The following ST8SIA1 variants were observed in gnomAD, a reference collection of about 807,000 sequenced individuals.
ST8SIA1 encodes alpha-N-acetylneuraminide alpha-2,8-sialyltransferase.
Under a neutral mutation model 35.9 loss-of-function variants are expected in ST8SIA1, and 16 were observed. That is an observed-to-expected ratio of 0.45 (90% CI 0.30 to 0.68). The LOEUF (loss-of-function observed/expected upper bound fraction) is 0.68. Ranked by LOEUF, ST8SIA1 falls within the 30% of genes least tolerant of loss-of-function variation. The pLI is 0.09. For synonymous variants in ST8SIA1, 170 were observed against 169.6 expected, an observed-to-expected ratio of 1.00 and a Z score of -0.02; for missense variants, 383 against 453.6, an observed-to-expected ratio of 0.84 and a Z score of 1.41.
At chr12:22,278,570 T>C (rs776317499) in intron 2 of ST8SIA1, among the ~76,000 whole-genome samples, 1 of 152,228 alleles carries the variant, frequency 6.6e-6, no homozygotes, top group Non-Finnish European at 1.5e-5. Flanking sequence ...GATTGAACTC[T>C]AGAAACAGAA....
intron 4 of ST8SIA1, among the ~76,000 whole-genome samples, chr12:22,212,729 T>C (rs933184986): frequency 3.9e-5 from 6 of 152,172 alleles, no homozygotes; most frequent in African/African-American, 1.2e-4. Context: ...CAGTTTAACT[T>C]TGAAGCAAGG....
chr12:22,328,988 G>A (rs1269914348), intron 1 of ST8SIA1, among the ~76,000 whole-genome samples: 1 of 152,122 alleles, frequency 6.6e-6, no homozygotes, highest in African/African-American at 2.4e-5. Flanking sequence ...GAAGGAACTG[G>A]CCAGGTAAAA....
At chr12:22,284,621 T>C (rs1201143885) in intron 2 of ST8SIA1, among the ~76,000 whole-genome samples, 1 of 152,168 alleles carries the variant, frequency 6.6e-6, no homozygotes, top group Non-Finnish European at 1.5e-5. Context: ...TTAAAAAAAA[T>C]CTACTCATTG....
In ST8SIA1 at chr12:22,197,908, GAA is replaced by G. The variant is rs1297853991; in HGVS notation, c.*3642_*3643del. 6.6e-6 allele frequency: 1 copy of G among 152,122 alleles called. No homozygotes were observed. The highest frequency in any genetic ancestry group is 2.4e-5 in the African/African-American group (1 of 41,430). The allele number at this position is 152,122 out of a possible 1,614,324, so 9.4% of individuals were successfully genotyped here. ...AGCACTTCCTTAACTTCTTGTATGA[GAA>G]TTATGCAGTTTAGATGTGCAATTTT... On this transcript the variant is annotated 3_prime_UTR_variant, in exon 5 of 5. Coordinates refer to ENST00000396037, the MANE Select transcript of ST8SIA1 (RefSeq NM_003034.4).
intron 2 of ST8SIA1, among the ~76,000 whole-genome samples, chr12:22,275,543 G>A (rs1865959052): frequency 6.6e-6 from 1 of 152,064 alleles, no homozygotes; most frequent in Admixed American, 6.5e-5. Flanking sequence ...GACAGAGTGA[G>A]ACTCCGTGTC....
At chr12:22,263,563 G>C (rs1021227907) in intron 2 of ST8SIA1, among the ~76,000 whole-genome samples, 1 of 152,118 alleles carries the variant, frequency 6.6e-6, no homozygotes, top group Non-Finnish European at 1.5e-5. Context: ...TACTCTTTTA[G>C]CTAAAAGAGT....
At chr12:22,316,283 A>G (rs978521409) in intron 1 of ST8SIA1, among the ~76,000 whole-genome samples, 5 of 152,220 alleles carry the variant, frequency 3.3e-5, no homozygotes, top group African/African-American at 1.2e-4. Context: ...AAGCTATGGT[A>G]TGGCTTTAGA....
intron 4 of ST8SIA1, among the ~76,000 whole-genome samples, chr12:22,226,863 A>C (rs1865364851): frequency 6.6e-6 from 1 of 152,146 alleles, no homozygotes; most frequent in Non-Finnish European, 1.5e-5. Flanking sequence ...TCACCAAGCT[A>C]AGGCTTTGAA....
At chr12:22,267,429 G>A (rs1452812770) in intron 2 of ST8SIA1, among the ~76,000 whole-genome samples, 2 of 152,132 alleles carry the variant, frequency 1.3e-5, no homozygotes, top group Non-Finnish European at 2.9e-5. Flanking sequence ...TTCCTTTTGG[G>A]AATAACTGGC....
chr12:22,204,588 A>G (rs1865086070), intron 4 of ST8SIA1, among the ~76,000 whole-genome samples: 1 of 152,172 alleles, frequency 6.6e-6, no homozygotes, highest in Non-Finnish European at 1.5e-5. Flanking sequence ...GCAGAGAATT[A>G]CACACTGCTT....
At chr12:22,234,563 C>G (rs1321469413) in intron 4 of ST8SIA1, among the ~76,000 whole-genome samples, 1 of 152,192 alleles carries the variant, frequency 6.6e-6, no homozygotes, top group African/African-American at 2.4e-5. Flanking sequence ...CATTATTTCT[C>G]TGAAGTAATC....
At chr12:22,253,721 T>A (rs1865698281) in intron 3 of ST8SIA1, among the ~76,000 whole-genome samples, 1 of 152,208 alleles carries the variant, frequency 6.6e-6, no homozygotes, top group East Asian at 1.9e-4. Context: ...CACTTTTCTG[T>A]TGTTTGTTCA....
intron 4 of ST8SIA1, among the ~76,000 whole-genome samples, chr12:22,232,550 T>C (rs1179313884): frequency 6.6e-6 from 1 of 152,158 alleles, no homozygotes; most frequent in South Asian, 2.1e-4. Context: ...TCCAAATAGA[T>C]TAGCCAAGCT....
intron 4 of ST8SIA1, among the ~76,000 whole-genome samples, chr12:22,204,893 T>C (rs1865089491): frequency 6.6e-6 from 1 of 152,190 alleles, no homozygotes; most frequent in Non-Finnish European, 1.5e-5. Flanking sequence ...TATTACATTA[T>C]TACAAAATTA....
chr12:22,322,259 T>C (rs375311930), intron 1 of ST8SIA1, among the ~76,000 whole-genome samples: 1 of 152,198 alleles, frequency 6.6e-6, no homozygotes, highest in East Asian at 1.9e-4. Context: ...CTGGAGAATG[T>C]TGCTGCTCCT....
intron 4 of ST8SIA1, among the ~76,000 whole-genome samples, chr12:22,231,798 C>T (rs1865425085): frequency 6.6e-6 from 1 of 152,116 alleles, no homozygotes; most frequent in Non-Finnish European, 1.5e-5. Flanking sequence ...TGGTCTCGAT[C>T]TCCTGACCTC....
chr12:22,294,393 T>C (rs1481823215), intron 1 of ST8SIA1, among the ~76,000 whole-genome samples: 2 of 152,328 alleles, frequency 1.3e-5, no homozygotes, highest in Non-Finnish European at 2.9e-5. Flanking sequence ...CAGAGATTTG[T>C]ATTCATCTTA....
intron 4 of ST8SIA1, among the ~76,000 whole-genome samples, chr12:22,238,545 T>C (rs1865502044): frequency 6.6e-6 from 1 of 152,222 alleles, no homozygotes; most frequent in Admixed American, 6.5e-5. Flanking sequence ...CTGTTCAGCC[T>C]AGTTCTTCCT....
intron 4 of ST8SIA1, among the ~76,000 whole-genome samples, chr12:22,235,115 A>G (rs1353966935): frequency 6.6e-6 from 1 of 151,734 alleles, no homozygotes; most frequent in Non-Finnish European, 1.5e-5. Flanking sequence ...GCTACAGTGG[A>G]AACTTCGGTT....
Sources: gnomAD v4.1 joint callset for allele counts (sites outside exome capture counted in the v4.1 genomes callset) on GRCh38, gnomAD v4.1.1 for gene constraint, MANE v1.5 for transcripts, NCBI Gene and HGNC (gene_info 2026-07-23, HGNC 2026-07-21) for gene names.